The following CAMKMT variants were observed in gnomAD, a reference collection of about 807,000 sequenced individuals.
CAMKMT encodes the protein CaM KMT.
CAMKMT carries 53 observed loss-of-function variants against 48.0 expected under a neutral mutation model. The ratio of observed to expected loss-of-function variants is 1.10; its 90% CI spans 0.89 to 1.39. CAMKMT has a LOEUF of 1.39. Ranked by LOEUF, CAMKMT falls within the 40% of genes most tolerant of loss-of-function variation. The pLI, the probability that CAMKMT is intolerant of heterozygous loss-of-function variation, is 0.00. For synonymous variants in CAMKMT, 165 were observed against 152.3 expected (o/e 1.08, Z -0.61); for missense variants, 428 against 402.7 (o/e 1.06, Z -0.54).
intron 3 of CAMKMT, among the ~76,000 whole-genome samples, chr2:44,681,061 A>T (rs1308576123): frequency 6.6e-6 from 1 of 152,180 alleles, no homozygotes; most frequent in Non-Finnish European, 1.5e-5. Context: ...AATTTTTTTT[A>T]AACTCTTATT....
chr2:44,416,115 T>C (rs762401274), intron 3 of CAMKMT, among the ~76,000 whole-genome samples: 2 of 152,202 alleles, frequency 1.3e-5, no homozygotes, highest in Admixed American at 6.5e-5. Flanking sequence ...TTAGGGCATT[T>C]ATTATTTAAA....
At chr2:44,756,025 A>G (rs1203603562) in intron 9 of CAMKMT, among the ~76,000 whole-genome samples, 1 of 152,194 alleles carries the variant, frequency 6.6e-6, no homozygotes, top group Admixed American at 6.5e-5. Flanking sequence ...GGAGCCCACC[A>G]TCAGAGGGGA....
intron 3 of CAMKMT, among the ~76,000 whole-genome samples, chr2:44,397,720 A>G (rs1067337): frequency 0.75 from 113,495 of 151,900 alleles, 43,465 homozygotes; most frequent in African/African-American, 0.88. Flanking sequence ...TCAATTACCA[A>G]AGAAGGAAAA....
chr2:44,472,239 T>C (rs956692452), intron 3 of CAMKMT, among the ~76,000 whole-genome samples: 16 of 152,240 alleles, frequency 1.1e-4, no homozygotes, highest in Admixed American at 5.2e-4. Context: ...CCTGGCTAAT[T>C]TTTTTGTGTG....
intron 3 of CAMKMT, among the ~76,000 whole-genome samples, chr2:44,442,909 AAATG>A (rs1666759821): frequency 6.6e-6 from 1 of 152,230 alleles, no homozygotes; most frequent in Admixed American, 6.5e-5. Context: ...CTGCAAGAAT[AAATG>A]AATGAATAAA....
rs889683557 is a variant in CAMKMT at position 44,362,424 on chromosome 2, G to A, written c.138+279G>A. Among the ~76,000 whole-genome samples, 32 of 152,156 alleles carry A rather than the reference G, an allele frequency of 2.1e-4. 1 individual carries two copies. The highest frequency in any genetic ancestry group is 4.4e-4 in the Non-Finnish European group (30 of 68,020). On this transcript the variant is annotated intron_variant, in intron 1 of 10. Transcript: ENST00000378494. ...CCTTCTAGACATTTTTGTGCGTCTG[G>A]GGGACTTTTCCCCTTCTCGCCAGTC...
At chr2:44,707,816 A>G (rs1677646897) in intron 6 of CAMKMT, among the ~76,000 whole-genome samples, 1 of 152,080 alleles carries the variant, frequency 6.6e-6, no homozygotes, top group Non-Finnish European at 1.5e-5. Flanking sequence ...TTGTATTTGG[A>G]TATTGCTGGC....
intron 3 of CAMKMT, among the ~76,000 whole-genome samples, chr2:44,399,384 G>A (rs1284846692): frequency 8.5e-5 from 13 of 152,224 alleles, no homozygotes; most frequent in Non-Finnish European, 1.5e-4. Context: ...AGTAAGAAAT[G>A]ATATGTGTGG....
At chr2:44,381,863 G>A (rs764698318) in intron 2 of CAMKMT, among the ~76,000 whole-genome samples, 12 of 151,006 alleles carry the variant, frequency 7.9e-5, no homozygotes, top group Admixed American at 1.3e-4. Flanking sequence ...TGAAGGAACC[G>A]TATATTGCTT....
intron 6 of CAMKMT, 120 bp downstream of exon 6, chr2:44,707,582 A>G: frequency 4.4e-6 from 3 of 682,520 alleles, no homozygotes; most frequent in Non-Finnish European, 4.8e-6. Context: ...CCCTACATAC[A>G]TGATAAGTAA....
chr2:44,745,765 G>C (rs1007018545), intron 8 of CAMKMT, among the ~76,000 whole-genome samples: 1 of 152,142 alleles, frequency 6.6e-6, no homozygotes, highest in East Asian at 1.9e-4. Flanking sequence ...CAAAAGAAAT[G>C]CTTTGGTAAT....
Position 44,625,818 on chromosome 2 carries a change from G to A in CAMKMT, c.377-78465G>A, listed in dbSNP as rs72792359. ...TACATATTGTTGAAAATTAATTGAT[G>A]TAAATGTCCAGATCTCTTACTGGAC... On this transcript the variant is annotated intron_variant, in intron 3 of 10. Transcript: ENST00000378494. Among the ~76,000 whole-genome samples, 971 of 152,216 alleles carry A rather than the reference G, an allele frequency of 6.4e-3. 4 individuals are homozygous for A. The highest frequency in any genetic ancestry group is 0.011 in the Non-Finnish European group (747 of 68,002).
intron 3 of CAMKMT, among the ~76,000 whole-genome samples, chr2:44,681,463 G>T (rs893792406): frequency 3.3e-5 from 5 of 151,678 alleles, no homozygotes; most frequent in African/African-American, 4.8e-5. Flanking sequence ...TATCCAGTGT[G>T]ATTCGGCAAC....
At chr2:44,562,236 T>C (rs892880141) in intron 3 of CAMKMT, among the ~76,000 whole-genome samples, 1 of 152,204 alleles carries the variant, frequency 6.6e-6, no homozygotes, top group Non-Finnish European at 1.5e-5. Flanking sequence ...TACATCAGAA[T>C]TTCAGGTCCA....
At chr2:44,731,098 TGGGAGGCTGAAGC>T (rs758943826) in intron 7 of CAMKMT, among the ~76,000 whole-genome samples, 2 of 152,178 alleles carry the variant, frequency 1.3e-5, no homozygotes, top group Non-Finnish European at 2.9e-5. Flanking sequence ...CCCAGCACTT[TGGGAGGCTGAAGC>T]GGGTGGATCA....
At chr2:44,453,422 C>T (rs1464901497) in intron 3 of CAMKMT, among the ~76,000 whole-genome samples, 2 of 151,980 alleles carry the variant, frequency 1.3e-5, no homozygotes, top group Non-Finnish European at 1.5e-5. Flanking sequence ...TGCAAGTAAT[C>T]TAAACATAAT....
At chr2:44,749,721 C>T (rs1458792984) in intron 8 of CAMKMT, among the ~76,000 whole-genome samples, 1 of 152,200 alleles carries the variant, frequency 6.6e-6, no homozygotes, top group African/African-American at 2.4e-5. Context: ...ACATCAAAGC[C>T]AGAGCTCTTT....
intron 8 of CAMKMT, among the ~76,000 whole-genome samples, chr2:44,753,470 C>A (rs750560592): frequency 8.6e-5 from 13 of 151,480 alleles, no homozygotes; most frequent in Non-Finnish European, 1.8e-4. Flanking sequence ...ATGTAGAGGC[C>A]CAGAGAGGAA....
intron 3 of CAMKMT, among the ~76,000 whole-genome samples, chr2:44,426,312 A>C (rs903273968): frequency 6.6e-6 from 1 of 152,196 alleles, no homozygotes; most frequent in African/African-American, 2.4e-5. Context: ...ACTCCTATTC[A>C]ATTTAGTACT....
Sources: allele counts gnomAD v4.1 joint callset (sites outside exome capture counted in the v4.1 genomes callset), GRCh38; gene constraint gnomAD v4.1.1; transcripts MANE v1.5; gene names NCBI Gene and HGNC (gene_info 2026-07-23, HGNC 2026-07-21).